The following CNTN4 variants were observed in gnomAD, a reference collection of about 807,000 sequenced individuals.
The protein encoded by CNTN4 is contactin-4.
A neutral mutation model predicts 122.5 loss-of-function variants in CNTN4; 77 were observed. The observed-to-expected ratio is 0.63, with a 90% CI of 0.52 to 0.76. The LOEUF (loss-of-function observed/expected upper bound fraction) is 0.76. CNTN4 is among the 30% of genes least tolerant of loss of function. The pLI, the probability that CNTN4 is intolerant of heterozygous loss-of-function variation, is 0.00. For missense variants in CNTN4, 1,256 were observed against 1,259.1 expected (o/e 1.00, Z 0.04); for synonymous variants, 512 against 447.0 (o/e 1.15, Z -1.83).
chr3:2,739,866 C>T (rs1241988134), intron 5 of CNTN4, among the ~76,000 whole-genome samples: 12 of 152,148 alleles, frequency 7.9e-5, no homozygotes, highest in Admixed American at 5.9e-4. Context: ...TTAACAAGGT[C>T]TGGACAGAGT....
intron 14 of CNTN4, among the ~76,000 whole-genome samples, chr3:3,002,687 A>G (rs2125412088): frequency 6.6e-6 from 1 of 152,308 alleles, no homozygotes; most frequent in Non-Finnish European, 1.5e-5. Context: ...TTCTAATTCT[A>G]AAGTTCTCTG....
chr3:2,760,201 T>C (rs2090524761), intron 6 of CNTN4, among the ~76,000 whole-genome samples: 3 of 152,222 alleles, frequency 2.0e-5, no homozygotes, highest in Admixed American at 2.0e-4. Context: ...ATTTATTTTT[T>C]TCTTTTGTTG....
intron 3 of CNTN4, among the ~76,000 whole-genome samples, chr3:2,477,095 T>C (rs191425228): frequency 7.9e-4 from 120 of 152,250 alleles, no homozygotes; most frequent in Middle Eastern, 6.8e-3. Context: ...TAAGATGAAA[T>C]TGAACAAAAA....
At chr3:2,770,251 AAC>A (rs1266848865) in intron 6 of CNTN4, among the ~76,000 whole-genome samples, 6 of 151,970 alleles carry the variant, frequency 3.9e-5, no homozygotes, top group Non-Finnish European at 7.4e-5. Flanking sequence ...GCTGGTCTTG[AAC>A]TCCTGACCTC....
intron 4 of CNTN4, among the ~76,000 whole-genome samples, chr3:2,624,404 A>G (rs17017434): frequency 0.029 from 4,479 of 152,146 alleles, 224 homozygotes; most frequent in African/African-American, 0.1. Flanking sequence ...TCAGTACAAT[A>G]TATTTTGCCA....
chr3:2,601,484 C>G lies in CNTN4; in HGVS notation c.55+29926C>G, dbSNP rs562933767. On this transcript the variant is annotated intron_variant, in intron 4 of 24. Coordinates refer to ENST00000418658, the MANE Select transcript of CNTN4 (RefSeq NM_175607.3). Reference sequence around the variant, plus strand: ...TCCTTTCCTCATTCCTTGTTTTTGTCAGGTTTGTCAAAGATCGGATGGTTA... The same window carrying G: ...TCCTTTCCTCATTCCTTGTTTTTGTGAGGTTTGTCAAAGATCGGATGGTTA... Among the ~76,000 whole-genome samples, 9 of 152,174 alleles carry G rather than the reference C, an allele frequency of 5.9e-5. No individual in the cohort carries two copies. In the South Asian group the frequency reaches 1.9e-3, roughly 32 times the overall value.
intron 13 of CNTN4, among the ~76,000 whole-genome samples, chr3:2,929,465 C>G (rs1179626246): frequency 1.3e-5 from 2 of 152,030 alleles, no homozygotes; most frequent in Non-Finnish European, 2.9e-5. Flanking sequence ...TTGTATCAAC[C>G]CAGGGTGGAT....
intron 14 of CNTN4, among the ~76,000 whole-genome samples, chr3:3,012,153 A>T (rs1466883668): frequency 6.6e-6 from 1 of 152,114 alleles, no homozygotes; most frequent in Non-Finnish European, 1.5e-5. Flanking sequence ...TCTGTCTAGA[A>T]TCTGTACACC....
At chr3:2,190,497 A>T (rs886970323) in intron 2 of CNTN4, among the ~76,000 whole-genome samples, 1 of 151,450 alleles carries the variant, frequency 6.6e-6, no homozygotes, top group Non-Finnish European at 1.5e-5. Flanking sequence ...AGCTGGAAAG[A>T]TTTCTCCTTT....
intron 2 of CNTN4, among the ~76,000 whole-genome samples, chr3:2,312,711 G>GA (rs1559443137): frequency 6.6e-6 from 1 of 151,980 alleles, no homozygotes; most frequent in Admixed American, 6.6e-5. Flanking sequence ...CACAGCTTTT[G>GA]AAAAAAATAA....
intron 12 of CNTN4, among the ~76,000 whole-genome samples, chr3:2,912,313 A>G (rs1320641785): frequency 6.6e-6 from 1 of 152,236 alleles, no homozygotes; most frequent in East Asian, 1.9e-4. Flanking sequence ...GGAGCTGCCA[A>G]TCAAGAATAC....
chr3:2,245,231 T>C (rs1280702695), intron 2 of CNTN4, among the ~76,000 whole-genome samples: 8 of 152,090 alleles, frequency 5.3e-5, no homozygotes, highest in African/African-American at 1.7e-4. Flanking sequence ...AAAGTCACTG[T>C]ATTTTATTAG....
intron 3 of CNTN4, among the ~76,000 whole-genome samples, chr3:2,446,833 C>A (rs1383403675): frequency 6.6e-6 from 1 of 152,186 alleles, no homozygotes; most frequent in African/African-American, 2.4e-5. Context: ...GAAAACCTCT[C>A]TGCAGTATTG....
At chr3:2,523,643 T>C (rs2077300454) in intron 3 of CNTN4, among the ~76,000 whole-genome samples, 1 of 151,866 alleles carries the variant, frequency 6.6e-6, no homozygotes, top group African/African-American at 2.4e-5. Context: ...AAGTCCAGAG[T>C]CAGTATGAAG....
At chr3:2,222,286 A>G (rs1447332356) in intron 2 of CNTN4, among the ~76,000 whole-genome samples, 3 of 152,226 alleles carry the variant, frequency 2.0e-5, no homozygotes, top group African/African-American at 7.2e-5. Flanking sequence ...GAAAGAAAGT[A>G]GTCACAAGGG....
intron 7 of CNTN4, chr3:2,866,524 A>C (rs2093725553): frequency 3.0e-6 from 4 of 1,322,356 alleles, no homozygotes; most frequent in Admixed American, 3.0e-5. Context: ...TTAATCAGCT[A>C]TCAGTGTATC....
intron 3 of CNTN4, among the ~76,000 whole-genome samples, chr3:2,485,212 G>A (rs545789829): frequency 1.4e-4 from 21 of 152,338 alleles, no homozygotes; most frequent in Admixed American, 7.8e-4. Context: ...GGGCTCCAGC[G>A]CGGCCGGAGC....
chr3:2,692,337 G>A (rs1248268569), intron 4 of CNTN4, among the ~76,000 whole-genome samples: 2 of 152,044 alleles, frequency 1.3e-5, no homozygotes, highest in African/African-American at 4.8e-5. Context: ...CGCTACCTAT[G>A]CCCTCCCTGC....
chr3:2,848,135 C>G (rs73110932), intron 7 of CNTN4, among the ~76,000 whole-genome samples: 1,801 of 152,200 alleles, frequency 0.012, 29 homozygotes, highest in African/African-American at 0.041. Context: ...CCTGTAGTCC[C>G]CAGCTACTCA....
Sources: gnomAD v4.1 joint callset for allele counts (sites outside exome capture counted in the v4.1 genomes callset) on GRCh38, gnomAD v4.1.1 for gene constraint, MANE v1.5 for transcripts, NCBI Gene and HGNC (gene_info 2026-07-23, HGNC 2026-07-21) for gene names.